The following VWF variants were observed in gnomAD, a reference collection of about 807,000 sequenced individuals.
VWF encodes von Willebrand factor.
In VWF, 176 loss-of-function variants were observed where a neutral mutation model predicts 308.6. The observed-to-expected ratio is 0.57, with a 90% CI of 0.50 to 0.65. The LOEUF (loss-of-function observed/expected upper bound fraction) is 0.65. Among genes scored for constraint, VWF ranks in the 30% least tolerant of loss-of-function variants. The pLI, the probability that VWF is intolerant of heterozygous loss-of-function variation, is 0.00. For synonymous variants in VWF, 1,385 were observed against 1,443.4 expected, an observed-to-expected ratio of 0.96 and a Z score of 0.92; for missense variants, 3,146 against 3,648.2, an observed-to-expected ratio of 0.86 and a Z score of 3.55.
At chr12:6,096,110 T>TGGAC (rs1231576407) in intron 5 of VWF, 2 of 76,824 alleles carry the variant, frequency 2.6e-5, no homozygotes, top group Non-Finnish European at 4.3e-5. Context: ...GATGGATAGA[T>TGGAC]GGATGGATGG....
chr12:5,985,862 AT>A (rs1388833436), intron 38 of VWF, among the ~76,000 whole-genome samples, 197 bp from the exon 39 acceptor site: 1 of 152,218 alleles, frequency 6.6e-6, no homozygotes, highest in Non-Finnish European at 1.5e-5. Context: ...TGGTTGCCAC[AT>A]TGCTTTGTAA....
chr12:5,969,162 G>A (rs1484833165), intron 45 of VWF, 49 bp downstream of exon 45: 1 of 1,571,988 alleles, frequency 6.4e-7, no homozygotes, highest in African/African-American at 1.3e-5. Context: ...GGAAAGAGAG[G>A]CTTAAAGGTG....
chr12:6,118,864 G>T (rs1333514438), intron 3 of VWF, among the ~76,000 whole-genome samples: 1 of 152,212 alleles, frequency 6.6e-6, no homozygotes, highest in African/African-American at 2.4e-5. Context: ...CAGGGGCAGG[G>T]GTTCAGGGGT....
intron 19 of VWF, among the ~76,000 whole-genome samples, chr12:6,035,943 A>T (rs216323): frequency 0.67 from 101,279 of 152,176 alleles, 33,851 homozygotes; most frequent in East Asian, 0.79. Context: ...TTCATGCACA[A>T]ACATTAAAAA....
chr12:6,103,528 A>G (rs193298207), intron 5 of VWF, among the ~76,000 whole-genome samples: 10 of 126,428 alleles, frequency 7.9e-5, no homozygotes, highest in Non-Finnish European at 1.3e-4. Flanking sequence ...ACATATGTGT[A>G]TATACACATA....
chr12:6,065,533 A>C (rs745692380), intron 10 of VWF, among the ~76,000 whole-genome samples: 11 of 152,234 alleles, frequency 7.2e-5, no homozygotes, highest in Non-Finnish European at 1.5e-4. Flanking sequence ...AGCCACACTC[A>C]GTCAGTGGTG....
rs538458834 is a variant in VWF at position 5,955,823 on chromosome 12, C to G, written c.7888-2229G>C. Among the ~76,000 whole-genome samples, 7 of 152,190 alleles carry G rather than the reference C, an allele frequency of 4.6e-5. No individual in the cohort carries two copies. The South Asian group carries it at 1.5e-3, about 32-fold the overall frequency. The stretch of plus-strand genomic sequence containing the variant: ...TCTTAGAACTAGAAAACACAATACT[C>G]TAAATCAAAAACTCACTGGATTGGA... On this transcript the variant is annotated intron_variant, in intron 47 of 51. Coordinates refer to ENST00000261405, the MANE Select transcript of VWF (RefSeq NM_000552.5).
At chr12:6,112,120 C>T (rs1367016154) in intron 3 of VWF, among the ~76,000 whole-genome samples, 1 of 152,028 alleles carries the variant, frequency 6.6e-6, no homozygotes. Flanking sequence ...GGGTCAAACG[C>T]CTTACACAGC....
intron 10 of VWF, among the ~76,000 whole-genome samples, chr12:6,068,835 CGT>C (rs34977515): frequency 0.014 from 1,254 of 91,194 alleles, 7 homozygotes; most frequent in East Asian, 0.026. Context: ...TTTTTTTTTG[CGT>C]GTGTGTGTGT....
At chr12:6,007,294 T>C (rs1300253835) in intron 34 of VWF, among the ~76,000 whole-genome samples, 1 of 152,146 alleles carries the variant, frequency 6.6e-6, no homozygotes, top group South Asian at 2.1e-4. Flanking sequence ...CAAACACACA[T>C]AGAACAGTCT....
At chr12:5,972,992 T>C (rs182526060) in intron 43 of VWF, among the ~76,000 whole-genome samples, 18 of 152,348 alleles carry the variant, frequency 1.2e-4, no homozygotes, top group Admixed American at 1.1e-3. Flanking sequence ...ATATTATTTT[T>C]GTTTCCTGTT....
intron 5 of VWF, among the ~76,000 whole-genome samples, chr12:6,101,162 G>C (rs1300427035): frequency 1.3e-5 from 2 of 152,176 alleles, no homozygotes; most frequent in African/African-American, 2.4e-5. Flanking sequence ...ATTAGACACA[G>C]TTGAGAGAGA....
Position 6,012,101 on chromosome 12 carries a change from C to T in VWF, c.5650G>A (p.Gly1884Arg). 6.2e-7 allele frequency: 1 copy of T among 1,614,086 alleles called. No individual in the cohort carries two copies. Among genetic ancestry groups the T allele is most frequent in the Non-Finnish European group, 8.5e-7 (1 of 1,179,936 alleles). Residue 1884 changes from glycine (G) to arginine (R), a missense_variant, in exon 33 of 52, where the codon GGG becomes AGG. Physicochemically the swap from Gly to Arg is moderately radical, Grantham distance 125 (BLOSUM62 -2). Transcript: ENST00000261405. ...AAGGAACTTACCCTCTTCTCATTCC[C>T]ATCCTCATCCATGCAAATCCTAACA... ...GFVRICMDED[G>R]NEKRPGDVWT... is the part of the protein sequence containing the mutation.
intron 18 of VWF, among the ~76,000 whole-genome samples, chr12:6,038,621 G>C (rs771997789): frequency 2.6e-5 from 4 of 152,208 alleles, no homozygotes; most frequent in Non-Finnish European, 5.9e-5. Context: ...AGATAACAAT[G>C]CCATGACTGC....
intron 3 of VWF, among the ~76,000 whole-genome samples, chr12:6,117,504 T>A (rs1312677601): frequency 1.3e-5 from 2 of 152,198 alleles, no homozygotes; most frequent in Admixed American, 1.3e-4. Flanking sequence ...TCAGCTTGGC[T>A]AAGCAGTCAC....
intron 34 of VWF, among the ~76,000 whole-genome samples, chr12:6,003,238 T>G (rs1167452162): frequency 6.6e-6 from 1 of 152,322 alleles, no homozygotes; most frequent in African/African-American, 2.4e-5. Context: ...TCTACATGAT[T>G]TAAGAGGCTA....
At chr12:6,034,642 C>A (rs763725473) in intron 20 of VWF, 46 bp downstream of exon 20, 1 of 1,613,184 alleles carries the variant, frequency 6.2e-7, no homozygotes, top group Admixed American at 1.7e-5. Flanking sequence ...CCTCCCACCC[C>A]TCCTAGAAAG....
At chr12:5,972,009 G>C (rs1943483160) in intron 43 of VWF, among the ~76,000 whole-genome samples, 1 of 152,198 alleles carries the variant, frequency 6.6e-6, no homozygotes. Flanking sequence ...TCCCTTAGCA[G>C]CAGCTTACTA....
rs61750071 is a variant in VWF at position 6,019,298 on chromosome 12, G to A, written c.4120C>T (p.Arg1374Cys). 5 of 1,613,796 alleles carry A rather than the reference G, an allele frequency of 3.1e-6. No homozygotes were observed. Among genetic ancestry groups the A allele is most frequent in the African/African-American group, 1.3e-5 (1 of 74,914 alleles). The change falls in exon 28 of 52, where the codon CGC becomes TGC. Residue 1374 changes from arginine to cysteine, a missense_variant. This residue lies in a region of VWF where 853 missense variants were observed against 1,177.8 expected (regional missense o/e 0.72). Transcript: ENST00000261405. The surrounding 1 kb of genome is among the most constrained non-coding windows in gnomAD (Gnocchi z 5.8). ...AGGGTGATGCGGGAGGCTTCAGGGC[G>A]GTCGATCTTGCTGAAGATTTGGAAC... ...TLFQIFSKID[R>C]PEASRITLLL...
Sources: gnomAD v4.1 joint callset for allele counts (sites outside exome capture counted in the v4.1 genomes callset) on GRCh38, gnomAD v4.1.1 for gene constraint, gnomAD v4.1.1 regional missense constraint, Gnocchi (gnomAD v3.1) non-coding constraint, MANE v1.5 for transcripts, NCBI Gene and HGNC (gene_info 2026-07-23, HGNC 2026-07-21) for gene names.